Variants in MGAT4C observed in about 807,000 individuals in gnomAD.
MGAT4C encodes the protein MGAT4 family member C.
Under a neutral mutation model 40.1 loss-of-function variants are expected in MGAT4C, and 19 were observed. That is an observed-to-expected ratio of 0.47 (90% CI 0.33 to 0.70). The LOEUF is 0.70. Ranked by LOEUF, MGAT4C falls within the 30% of genes least tolerant of loss-of-function variation. The pLI is 0.02. For synonymous variants in MGAT4C, 181 were observed against 187.1 expected (o/e 0.97, Z 0.27); for missense variants, 491 against 563.2 (o/e 0.87, Z 1.30).
intron 2 of MGAT4C, among the ~76,000 whole-genome samples, chr12:86,465,452 A>T (rs1957665856): frequency 6.6e-6 from 1 of 152,150 alleles, no homozygotes; most frequent in Non-Finnish European, 1.5e-5. Flanking sequence ...CCACAGACTG[A>T]CAGAAAATAT....
intron 1 of MGAT4C, among the ~76,000 whole-genome samples, chr12:86,118,134 G>C (rs894340166): frequency 1.3e-5 from 2 of 152,170 alleles, no homozygotes; most frequent in Non-Finnish European, 2.9e-5. Flanking sequence ...AACATTTTCT[G>C]ATTATTTCCC....
intron 3 of MGAT4C, among the ~76,000 whole-genome samples, chr12:86,377,465 A>G (rs958409841): frequency 2.0e-5 from 3 of 152,134 alleles, no homozygotes; most frequent in African/African-American, 7.2e-5. Flanking sequence ...CAAAACCAAC[A>G]TATTTGTCAG....
intron 2 of MGAT4C, among the ~76,000 whole-genome samples, chr12:86,490,774 T>C (rs1592911039): frequency 1.3e-5 from 2 of 152,102 alleles, no homozygotes; most frequent in African/African-American, 4.8e-5. Flanking sequence ...TAGTCTCTGA[T>C]AAAACAGACT....
chr12:85,980,990 A>T (rs1328398923), intron 4 of MGAT4C, among the ~76,000 whole-genome samples: 1 of 152,084 alleles, frequency 6.6e-6, no homozygotes, highest in Non-Finnish European at 1.5e-5. Context: ...TGCTGTCATT[A>T]TGTTGTACTA....
At chr12:86,295,329 G>A (rs927521780) in intron 4 of MGAT4C, among the ~76,000 whole-genome samples, 1 of 152,132 alleles carries the variant, frequency 6.6e-6, no homozygotes, top group Non-Finnish European at 1.5e-5. Flanking sequence ...GGAATTGGTG[G>A]TTTGTTGGTC....
At chr12:86,818,612 G>A (rs1051941165) in intron 1 of MGAT4C, among the ~76,000 whole-genome samples, 16 of 150,858 alleles carry the variant, frequency 1.1e-4, no homozygotes, top group Non-Finnish European at 1.3e-4. Context: ...AACGGCTCCC[G>A]TGTGGAATAA....
chr12:86,165,964 T>C (rs911543757), intron 1 of MGAT4C, among the ~76,000 whole-genome samples: 10 of 152,174 alleles, frequency 6.6e-5, no homozygotes, highest in Non-Finnish European at 1.3e-4. Context: ...TTATTGCATA[T>C]GTAAAAATCA....
At chr12:86,051,446 T>C (rs1020493490) in intron 1 of MGAT4C, among the ~76,000 whole-genome samples, 3 of 151,926 alleles carry the variant, frequency 2.0e-5, no homozygotes, top group Non-Finnish European at 2.9e-5. Flanking sequence ...ATGAAGTTTA[T>C]ATTTGGCTGA....
chr12:85,988,702 G>A (rs1213711949), intron 3 of MGAT4C, among the ~76,000 whole-genome samples: 1 of 151,832 alleles, frequency 6.6e-6, no homozygotes, highest in Non-Finnish European at 1.5e-5. Flanking sequence ...GAAAAAAATT[G>A]AAACTAACAT....
In MGAT4C at chr12:86,583,745, CA is replaced by C. The variant is rs550643552; in HGVS notation, c.-229+143463del. 1.2e-3 allele frequency among the ~76,000 whole-genome samples: 175 copies of C among 150,912 alleles called. 2 individuals carry two copies. The highest frequency in any genetic ancestry group is 2.4e-3 in the Non-Finnish European group (163 of 67,332). On this transcript the variant is annotated intron_variant, in intron 2 of 7. Transcript: ENST00000548651. ...ATCCTTCATTAATAGTTTAAAATGT[CA>C]AAAATGAAAATTAAATTAAAATTAT...
intron 1 of MGAT4C, among the ~76,000 whole-genome samples, chr12:86,801,810 C>T (rs376847684): frequency 0.096 from 14,520 of 151,598 alleles, 940 homozygotes; most frequent in Non-Finnish European, 0.14. Flanking sequence ...CAGAAATGTC[C>T]ATCATACCTA....
intron 3 of MGAT4C, among the ~76,000 whole-genome samples, chr12:86,355,062 G>A (rs954979710): frequency 1.3e-5 from 2 of 152,062 alleles, no homozygotes; most frequent in African/African-American, 4.8e-5. Flanking sequence ...TTTTAGAAAC[G>A]TCTAGCTAGC....
chr12:86,395,224 T>C (rs1185986637), intron 3 of MGAT4C, among the ~76,000 whole-genome samples: 3 of 152,144 alleles, frequency 2.0e-5, no homozygotes, highest in Non-Finnish European at 4.4e-5. Context: ...TCAGTTTCTT[T>C]TGCATATATT....
At chr12:86,608,849 T>C (rs1962142060) in intron 2 of MGAT4C, among the ~76,000 whole-genome samples, 1 of 152,174 alleles carries the variant, frequency 6.6e-6, no homozygotes, top group East Asian at 1.9e-4. Flanking sequence ...TACATAGTGT[T>C]AGACTTTCTT....
Position 86,446,658 on chromosome 12 carries a change from CATATATATATATATATATATAT to C in MGAT4C, c.-228-11415_-228-11394del, listed in dbSNP as rs34157468. On this transcript the variant is annotated intron_variant, in intron 2 of 7. Transcript: ENST00000548651. ...GGACTTAAAATTACATCATGTAACT[CATATATATATATATATATATAT>C]ATATATATATATATATATATATATG... is the stretch of plus-strand genomic sequence containing the variant. 2.2e-3 allele frequency among the ~76,000 whole-genome samples: 78 copies of C among 35,326 alleles called. 1 individual carries two copies. Among genetic ancestry groups the C allele is most frequent in the East Asian group, 6.4e-3 (9 of 1,396 alleles). 23.2% of individuals were successfully genotyped at this position (35,326 alleles called of 152,430 possible). A position where few individuals can be genotyped will look rare whatever the true frequency, so the allele number is the denominator to read the frequency against.
intron 2 of MGAT4C, among the ~76,000 whole-genome samples, chr12:86,634,901 T>C (rs915367484): frequency 2.0e-5 from 3 of 152,160 alleles, no homozygotes; most frequent in Non-Finnish European, 2.9e-5. Context: ...TATGTAAACA[T>C]GTGACTCATT....
At position 86,350,276 on chromosome 12, in the gene MGAT4C, C is replaced by T. The variant is rs146316914; in HGVS notation, c.-119-16149G>A. Among the ~76,000 whole-genome samples, 569 of 152,192 alleles carry T rather than the reference C, an allele frequency of 3.7e-3. 5 individuals are homozygous for T. The highest frequency in any genetic ancestry group is 0.013 in the African/African-American group (521 of 41,556). On this transcript the variant is annotated intron_variant, in intron 3 of 7. Coordinates refer to the MGAT4C transcript ENST00000548651. Reference sequence around the variant, plus strand: ...CTCTCTTGCTGCCTGGTATAGCAAACGTCCCAAGGAAAAATGAAGTGGGCT... The same window carrying T: ...CTCTCTTGCTGCCTGGTATAGCAAATGTCCCAAGGAAAAATGAAGTGGGCT...
chr12:86,530,177 G>C (rs1958956649), intron 2 of MGAT4C, among the ~76,000 whole-genome samples: 1 of 151,818 alleles, frequency 6.6e-6, no homozygotes, highest in African/African-American at 2.4e-5. Flanking sequence ...TCGTTGTTAT[G>C]CAATCTTCTT....
intron 1 of MGAT4C, among the ~76,000 whole-genome samples, chr12:86,081,510 C>T (rs544440899): frequency 2.8e-4 from 43 of 152,140 alleles, no homozygotes; most frequent in Non-Finnish European, 6.3e-4. Flanking sequence ...ACCATGAATC[C>T]ACTCTGGAAT....
Sources: gnomAD v4.1 joint callset for allele counts (sites outside exome capture counted in the v4.1 genomes callset) on GRCh38, gnomAD v4.1.1 for gene constraint, MANE v1.5 for transcripts, NCBI Gene and HGNC (gene_info 2026-07-23, HGNC 2026-07-21) for gene names.